Variants in AGPAT3 observed in about 807,000 individuals in gnomAD.
AGPAT3 encodes 1-acyl-sn-glycerol-3-phosphate acyltransferase gamma.
A neutral mutation model predicts 47.3 loss-of-function variants in AGPAT3; 5 were observed. The ratio of observed to expected loss-of-function variants is 0.11; its 90% CI spans 0.06 to 0.22. The LOEUF is 0.22. Among genes scored for constraint, AGPAT3 ranks in the 10% least tolerant of loss-of-function variants. The probability of loss-of-function intolerance (pLI) is 1.00; values close to 1 mark genes in which losing one functional copy is unlikely to be tolerated. For missense variants in AGPAT3, 315 were observed against 493.0 expected (o/e 0.64, Z 3.42); for synonymous variants, 212 against 208.3 (o/e 1.02, Z -0.15).
rs924139554 is a variant in AGPAT3 at position 43,987,338 on chromosome 21, G to A, written c.*4946G>A. Among the ~76,000 whole-genome samples the A allele has an allele frequency of 1.4e-4, 22 of 152,138 alleles. 1 individual carries two copies. Among genetic ancestry groups the A allele is most frequent in the African/African-American group, 5.1e-4 (21 of 41,426 alleles). On this transcript the variant is annotated 3_prime_UTR_variant, in exon 10 of 10. Transcript: ENST00000291572. The stretch of plus-strand genomic sequence containing the variant: ...TCCCTACGAGTTGCTTTCTGGGAGG[G>A]GAAATTGAAAAGGAGAGCGGTCACC...
At position 43,973,532 on chromosome 21, in the gene AGPAT3, C is replaced by T. The variant is rs534583299; in HGVS notation, c.767+2042C>T. Among the ~76,000 whole-genome samples the T allele has an allele frequency of 1.1e-4, 16 of 152,342 alleles. 1 individual carries two copies. Among genetic ancestry groups the T allele is most frequent in the South Asian group, 1.0e-3 (5 of 4,830 alleles). On this transcript the variant is annotated intron_variant, in intron 7 of 9. Coordinates refer to ENST00000291572, the MANE Select transcript of AGPAT3 (RefSeq NM_020132.5). ...GAGCCCGGCCACCCGCCAAGCTGCA[C>T]GGCGCCTCCGCCTCGGGTGCCACAC... is the stretch of plus-strand genomic sequence containing the variant.
chr21:43,946,554 C>T (rs1240103203), intron 2 of AGPAT3, among the ~76,000 whole-genome samples: 1 of 150,478 alleles, frequency 6.6e-6, no homozygotes, highest in Non-Finnish European at 1.5e-5. Context: ...GAGCTGAGGT[C>T]ATGCCACTGC....
chr21:43,866,126 T>TTG (rs1400476174), intron 1 of AGPAT3, among the ~76,000 whole-genome samples: 1 of 151,208 alleles, frequency 6.6e-6, no homozygotes, highest in East Asian at 1.9e-4. Context: ...CAGTGTTTTT[T>TTG]TTTTTTTTTT....
At chr21:43,911,698 C>T (rs1404824947) in intron 2 of AGPAT3, among the ~76,000 whole-genome samples, 1 of 152,236 alleles carries the variant, frequency 6.6e-6, no homozygotes, top group African/African-American at 2.4e-5. Flanking sequence ...ACACGGGGTT[C>T]CTCCCATTGG....
chr21:43,879,974 T>C (rs1418161728), intron 1 of AGPAT3, among the ~76,000 whole-genome samples: 1 of 152,194 alleles, frequency 6.6e-6, no homozygotes, highest in East Asian at 1.9e-4. Context: ...GGGGTGGAAC[T>C]GAGAAGACGT....
At chr21:43,902,767 G>A (rs2086388278) in intron 1 of AGPAT3, among the ~76,000 whole-genome samples, 1 of 152,204 alleles carries the variant, frequency 6.6e-6, no homozygotes, top group African/African-American at 2.4e-5. Context: ...GGGAGGGCGA[G>A]GCAGGCGGAT....
In AGPAT3 at chr21:43,952,675, G is replaced by A. The variant is rs2088258185; in HGVS notation, c.-48-6959G>A. Among the ~76,000 whole-genome samples the A allele has an allele frequency of 6.6e-6, 1 of 152,114 alleles. No individual in the cohort carries two copies. The highest frequency in any genetic ancestry group is 6.5e-5 in the Admixed American group (1 of 15,268). Reference sequence around the variant, plus strand: ...ATCTGTTGTTTAATGAAGACGCGCTGGCACCAAGCTTCTGGGCGACCTAAA... The same window carrying A: ...ATCTGTTGTTTAATGAAGACGCGCTAGCACCAAGCTTCTGGGCGACCTAAA... On this transcript the variant is annotated intron_variant, in intron 2 of 9. Coordinates refer to ENST00000291572, the MANE Select transcript of AGPAT3 (RefSeq NM_020132.5). The surrounding 1 kb of genome is among the most constrained non-coding windows in gnomAD (Gnocchi z 5.6).
chr21:43,970,578 A>G lies in AGPAT3; in HGVS notation c.511-75A>G. ...AGCCACAACCTTTGCTGCCTGTCAG[A>G]GAGGCAGGCCTGGCCTGGACATGCA... On this transcript the variant is annotated intron_variant, in intron 5 of 9. Coordinates refer to ENST00000291572, the MANE Select transcript of AGPAT3 (RefSeq NM_020132.5). This position sits in a 1 kb window ranked among gnomAD's most constrained non-coding sequence, Gnocchi z 5.8. The G allele has an allele frequency of 6.7e-7, 1 of 1,497,332 alleles. No individual in the cohort carries two copies. Among genetic ancestry groups the G allele is most frequent in the Non-Finnish European group, 9.1e-7 (1 of 1,095,026 alleles). The allele number at this position is 1,497,332 out of a possible 1,614,324, so 92.8% of individuals were successfully genotyped here.
At chr21:43,978,306 T>G (rs2089699705) in intron 8 of AGPAT3, among the ~76,000 whole-genome samples, 185 bp downstream of exon 8, 1 of 152,194 alleles carries the variant, frequency 6.6e-6, no homozygotes, top group East Asian at 1.9e-4. Context: ...TTGTTTTTGT[T>G]TTGTTTTGTT....
At chr21:43,957,533 C>CG (rs1226446430) in intron 2 of AGPAT3, among the ~76,000 whole-genome samples, 2 of 144,888 alleles carry the variant, frequency 1.4e-5, no homozygotes, top group African/African-American at 2.6e-5. Flanking sequence ...CCCCTCCACA[C>CG]GGGGGTCTCG....
At position 43,939,460 on chromosome 21, in the gene AGPAT3, G is replaced by A. The variant is rs1366334757; in HGVS notation, c.-48-20174G>A. Among the ~76,000 whole-genome samples, 3 of 152,184 alleles carry A rather than the reference G, an allele frequency of 2.0e-5. No homozygotes were observed. Among genetic ancestry groups the A allele is most frequent in the African/African-American group, 7.2e-5 (3 of 41,444 alleles). On this transcript the variant is annotated intron_variant, in intron 2 of 9. Transcript: ENST00000291572. The surrounding 1 kb of genome is among the most constrained non-coding windows in gnomAD (Gnocchi z 4.4). Reference sequence around the variant, plus strand: ...AGGTTTCAGGCTGGAGTGACATGGAGGGACGTGCCTGACTTCTGGAGGATA... The same window carrying A: ...AGGTTTCAGGCTGGAGTGACATGGAAGGACGTGCCTGACTTCTGGAGGATA...
Position 43,967,743 on chromosome 21 carries a change from C to T in AGPAT3, c.179-203C>T, listed in dbSNP as rs944661819. ...GCGGTTCTCTCCCTTTCTGCTGCTACCTTCCATCTGTCTCCTCCCAACTGT... is the reference window on the plus strand; with the variant it reads ...GCGGTTCTCTCCCTTTCTGCTGCTATCTTCCATCTGTCTCCTCCCAACTGT... On this transcript the variant is annotated intron_variant, in intron 3 of 9. Coordinates refer to ENST00000291572, the MANE Select transcript of AGPAT3 (RefSeq NM_020132.5). The T allele has an allele frequency of 8.9e-6, 5 of 563,266 alleles. No individual in the cohort carries two copies. The African/African-American group carries it at 9.4e-5, about 11-fold the overall frequency. The allele number at this position is 563,266 out of a possible 1,614,324, so 34.9% of individuals were successfully genotyped here.
rs562205330 is a variant in AGPAT3 at position 43,875,768 on chromosome 21, C to T, written c.-112+10423C>T. Reference sequence around the variant, plus strand: ...GATTACAGGTGCCCACCACCATGCCCGGCTAATTTTTGTATTTCTAGTAGA... The same window carrying T: ...GATTACAGGTGCCCACCACCATGCCTGGCTAATTTTTGTATTTCTAGTAGA... On this transcript the variant is annotated intron_variant, in intron 1 of 9. Transcript: ENST00000291572. Among the ~76,000 whole-genome samples the T allele has an allele frequency of 1.4e-4, 21 of 152,166 alleles. No homozygotes were observed. In the South Asian group the frequency reaches 1.9e-3, roughly 14 times the overall value.
intron 2 of AGPAT3, among the ~76,000 whole-genome samples, chr21:43,906,107 T>A (rs2146051219): frequency 6.6e-6 from 1 of 152,172 alleles, no homozygotes; most frequent in South Asian, 2.1e-4. Context: ...ATAACTGAGG[T>A]CTAGGAAAAA....
At chr21:43,974,420 GGT>G (rs1449433161) in intron 7 of AGPAT3, among the ~76,000 whole-genome samples, 2 of 126,336 alleles carry the variant, frequency 1.6e-5, no homozygotes, top group Non-Finnish European at 3.7e-5. Context: ...TTATATTTGT[GGT>G]GTGTGTTGAA....
rs1264932416 is a variant in AGPAT3 at position 43,981,471 on chromosome 21, G to A, written c.1042+284G>A. 18 of 504,298 alleles carry A rather than the reference G, an allele frequency of 3.6e-5. No homozygotes were observed. Among genetic ancestry groups the A allele is most frequent in the Admixed American group, 3.6e-4 (11 of 30,914 alleles). The allele number at this position is 504,298 out of a possible 1,614,324, so 31.2% of individuals were successfully genotyped here. On this transcript the variant is annotated intron_variant, in intron 9 of 9. Transcript: ENST00000291572. The surrounding 1 kb of genome is among the most constrained non-coding windows in gnomAD (Gnocchi z 5.3). ...TGAGGATGCCGACGAGAGGGTCCCCGAGAGGGTCCCCAGCCCCCCTGTCTG... is the reference window on the plus strand; with the variant it reads ...TGAGGATGCCGACGAGAGGGTCCCCAAGAGGGTCCCCAGCCCCCCTGTCTG...
At chr21:43,904,862 A>G (rs938631002) in intron 2 of AGPAT3, among the ~76,000 whole-genome samples, 14 of 152,280 alleles carry the variant, frequency 9.2e-5, no homozygotes, top group Middle Eastern at 3.4e-3. Flanking sequence ...GCAGAGATCA[A>G]ATCCCATCCC....
At chr21:43,976,192 G>C (rs987798484) in intron 7 of AGPAT3, among the ~76,000 whole-genome samples, 5 of 151,984 alleles carry the variant, frequency 3.3e-5, no homozygotes, top group Admixed American at 2.6e-4. Context: ...TCAGCCTCTC[G>C]AGTAGCTGGG....
rs142448497 is a variant in AGPAT3, at chr21:43,947,201, T to G, written c.-48-12433T>G. ...TCCTGCCAGGGTTTGCAGTTTACAC[T>G]GGCAGTGATGCAGTGGCAGACACAA... is the stretch of plus-strand genomic sequence containing the variant. On this transcript the variant is annotated intron_variant, in intron 2 of 9. Transcript: ENST00000291572. The G allele has an allele frequency of 3.7e-3, 563 of 152,538 alleles. 2 individuals are homozygous for G. The highest frequency in any genetic ancestry group is 0.013 in the African/African-American group (544 of 41,588). The allele number at this position is 152,538 out of a possible 1,614,324, so 9.4% of individuals were successfully genotyped here.
Sources: gnomAD v4.1 joint callset for allele counts (sites outside exome capture counted in the v4.1 genomes callset) on GRCh38, gnomAD v4.1.1 for gene constraint, Gnocchi (gnomAD v3.1) non-coding constraint, MANE v1.5 for transcripts, NCBI Gene and HGNC (gene_info 2026-07-23, HGNC 2026-07-21) for gene names.